The following DNAJC5 variants were observed in gnomAD, a reference collection of about 807,000 sequenced individuals.
DNAJC5 encodes DnaJ heat shock protein family (Hsp40) member C5, also known as dnaJ homolog subfamily C member 5.
In DNAJC5, 1 loss-of-function variant was observed where a neutral mutation model predicts 23.2. That is an observed-to-expected ratio of 0.04 (90% CI 0.02 to 0.20). DNAJC5 has a LOEUF of 0.20. DNAJC5 is among the 10% of genes least tolerant of loss of function. The pLI is 1.00. For missense variants in DNAJC5, 180 were observed against 267.0 expected (o/e 0.67, Z 2.27); for synonymous variants, 136 against 120.0 (o/e 1.13, Z -0.87).
intron 1 of DNAJC5, among the ~76,000 whole-genome samples, chr20:63,916,171 C>G (rs1292121441): frequency 6.6e-6 from 1 of 152,232 alleles, no homozygotes; most frequent in East Asian, 1.9e-4. Context: ...TGGTCTCAAA[C>G]TCCTGGCCTC....
chr20:63,924,942 C>T (rs1386094401), intron 1 of DNAJC5, among the ~76,000 whole-genome samples: 1 of 152,216 alleles, frequency 6.6e-6, no homozygotes, highest in African/African-American at 2.4e-5. Flanking sequence ...TCATGTACCG[C>T]ACTCAAGATC....
intron 1 of DNAJC5, among the ~76,000 whole-genome samples, chr20:63,901,483 C>T (rs1016519605): frequency 6.6e-6 from 1 of 152,224 alleles, no homozygotes; most frequent in Non-Finnish European, 1.5e-5. Flanking sequence ...AATATCCCGT[C>T]TTACTCTTGA....
At chr20:63,901,852 G>A (rs1278012123) in intron 1 of DNAJC5, among the ~76,000 whole-genome samples, 1 of 152,174 alleles carries the variant, frequency 6.6e-6, no homozygotes, top group African/African-American at 2.4e-5. Flanking sequence ...ACAGACTGTA[G>A]CTTCTGTCAT....
intron 1 of DNAJC5, among the ~76,000 whole-genome samples, chr20:63,903,961 C>G (rs548239327): frequency 6.6e-6 from 1 of 152,114 alleles, no homozygotes; most frequent in African/African-American, 2.4e-5. Flanking sequence ...TGGTGCATGC[C>G]TGTGGTCCCA....
intron 1 of DNAJC5, among the ~76,000 whole-genome samples, chr20:63,907,590 A>T (rs1341084685): frequency 6.6e-6 from 1 of 152,166 alleles, no homozygotes; most frequent in Non-Finnish European, 1.5e-5. Context: ...CCCGTCTCAC[A>T]GGCCTCTTAG....
At chr20:63,917,719 G>A (rs1231125301) in intron 1 of DNAJC5, among the ~76,000 whole-genome samples, 3 of 151,288 alleles carry the variant, frequency 2.0e-5, no homozygotes, top group Non-Finnish European at 2.9e-5. Context: ...TCACACCGAG[G>A]TAATTTTTGT....
chr20:63,900,239 C>G (rs1386471387), intron 1 of DNAJC5, among the ~76,000 whole-genome samples: 1 of 151,958 alleles, frequency 6.6e-6, no homozygotes, highest in East Asian at 1.9e-4. Context: ...ACCAGCATCT[C>G]ATTTTCTAAA....
At chr20:63,918,101 C>A (rs866050997) in intron 1 of DNAJC5, among the ~76,000 whole-genome samples, 1 of 152,196 alleles carries the variant, frequency 6.6e-6, no homozygotes, top group Non-Finnish European at 1.5e-5. Context: ...AGATGTCCTT[C>A]GGTGCAAGAG....
At position 63,932,626 on chromosome 20, in the gene DNAJC5, G is replaced by C. The variant is rs2146311133; in HGVS notation, c.*1058G>C. On this transcript the variant is annotated 3_prime_UTR_variant, in exon 5 of 5. Transcript: ENST00000360864. This position sits in a 1 kb window ranked among gnomAD's most constrained non-coding sequence, Gnocchi z 4.4. ...CCTGTGTTTGCCAGAGCTCCCATCT[G>C]CCCCACTCGCCTTTGCCCCGTCATC... The C allele has an allele frequency of 6.6e-6, 1 of 152,650 alleles. No individual in the cohort carries two copies. The highest frequency in any genetic ancestry group is 3.4e-3 in the Middle Eastern group (1 of 294). 9.5% of individuals were successfully genotyped at this position (152,650 alleles called of 1,614,324 possible).
At chr20:63,896,817 C>T (rs963333138) in intron 1 of DNAJC5, among the ~76,000 whole-genome samples, 3 of 152,120 alleles carry the variant, frequency 2.0e-5, no homozygotes, top group Non-Finnish European at 4.4e-5. Context: ...GGCACATGAT[C>T]GGGGCCCAGT....
chr20:63,920,254 C>T lies in DNAJC5; in HGVS notation c.-11-8081C>T, dbSNP rs1027169396. 6.6e-6 allele frequency among the ~76,000 whole-genome samples: 1 copy of T among 152,222 alleles called. No homozygotes were observed. Among genetic ancestry groups the T allele is most frequent in the Admixed American group, 6.5e-5 (1 of 15,286 alleles). On this transcript the variant is annotated intron_variant, in intron 1 of 4. Transcript: ENST00000360864. This position sits in a 1 kb window ranked among gnomAD's most constrained non-coding sequence, Gnocchi z 4.6. ...GCTCTCCAGCCAGCAGGGAGCAGGG[C>T]AGGGTGTTGAAGAGACGGCAGGTGC...
At chr20:63,925,389 A>G (rs978857385) in intron 1 of DNAJC5, among the ~76,000 whole-genome samples, 1 of 152,214 alleles carries the variant, frequency 6.6e-6, no homozygotes, top group Non-Finnish European at 1.5e-5. Context: ...AGGCTGAAGC[A>G]GAAGAATCGC....
chr20:63,922,917 G>A (rs1211947764), intron 1 of DNAJC5, among the ~76,000 whole-genome samples: 1 of 152,190 alleles, frequency 6.6e-6, no homozygotes, highest in African/African-American at 2.4e-5. Context: ...GAGGCGGGTG[G>A]CTCACCTGAG....
Position 63,930,958 on chromosome 20 carries a change from C to G in DNAJC5, c.429C>G (p.Gly143=). 1 of 1,614,154 alleles carries G rather than the reference C, an allele frequency of 6.2e-7. No homozygotes were observed. The highest frequency in any genetic ancestry group is 8.5e-7 in the Non-Finnish European group (1 of 1,180,038). ...CGKCKPKAPE[G]EETEFYVSPE... The stretch of plus-strand genomic sequence containing the variant: ...AGTGTAAGCCCAAGGCGCCTGAAGG[C>G]GAGGAGACGGAGTTCTACGTGTCCC... Residue 143 remains glycine (G), a synonymous_variant, in exon 4 of 5, where the codon GGC becomes GGG. Transcript: ENST00000360864.
intron 1 of DNAJC5, among the ~76,000 whole-genome samples, chr20:63,927,005 A>G (rs1285191060): frequency 6.6e-6 from 1 of 152,242 alleles, no homozygotes; most frequent in Non-Finnish European, 1.5e-5. Flanking sequence ...GTTGAATATC[A>G]AGAGTATCTT....
intron 1 of DNAJC5, among the ~76,000 whole-genome samples, chr20:63,903,680 T>C (rs2053429159): frequency 1.3e-5 from 2 of 152,120 alleles, no homozygotes; most frequent in Admixed American, 1.3e-4. Context: ...CCAGGCTTAG[T>C]GGTTTAAGCC....
intron 3 of DNAJC5, 143 bp from the exon 4 acceptor site, chr20:63,930,708 T>A: frequency 7.4e-7 from 1 of 1,344,876 alleles, no homozygotes; most frequent in Non-Finnish European, 1.0e-6. Flanking sequence ...CTTCTTCAGT[T>A]CTTTCCTTCT....
intron 1 of DNAJC5, among the ~76,000 whole-genome samples, chr20:63,914,081 G>A (rs913782795): frequency 1.3e-5 from 2 of 152,142 alleles, no homozygotes; most frequent in African/African-American, 2.4e-5. Context: ...AAGCCGGGAC[G>A]CTCACCGTTG....
Position 63,931,004 on chromosome 20 carries a change from C to T in DNAJC5, c.475C>T (p.Leu159=). 4 of 1,614,048 alleles carry T rather than the reference C, an allele frequency of 2.5e-6. No homozygotes were observed. The highest frequency in any genetic ancestry group is 2.5e-6 in the Non-Finnish European group (3 of 1,180,032). Residue 159 remains leucine (L), a synonymous_variant, in exon 4 of 5, where the codon CTG becomes TTG. Coordinates refer to ENST00000360864, the MANE Select transcript of DNAJC5 (RefSeq NM_025219.3). The surrounding 1 kb of genome is among the most constrained non-coding windows in gnomAD (Gnocchi z 9.6). The part of the protein sequence containing the change: ...YVSPEDLEAQ[L]QSDEREATDT... ...GTCCCCCGAGGATCTGGAGGCACAG[C>T]TGCAGTCTGACGAGAGGGGTGAGTG... is the stretch of plus-strand genomic sequence containing the variant.
Sources: allele counts gnomAD v4.1 joint callset (sites outside exome capture counted in the v4.1 genomes callset), GRCh38; gene constraint gnomAD v4.1.1; non-coding constraint Gnocchi (gnomAD v3.1); transcripts MANE v1.5; gene names NCBI Gene and HGNC (gene_info 2026-07-23, HGNC 2026-07-21).